GALNT2: variants seen among roughly 807,000 people sequenced by gnomAD.
The protein encoded by GALNT2 is polypeptide N-acetylgalactosaminyltransferase 2.
GALNT2 carries 31 observed loss-of-function variants against 81.4 expected under a neutral mutation model. The observed-to-expected ratio is 0.38, with a 90% CI of 0.29 to 0.51. The LOEUF is 0.51. Ranked by LOEUF, GALNT2 falls within the 20% of genes least tolerant of loss-of-function variation. GALNT2 has a pLI of 0.87. For synonymous variants in GALNT2, 303 were observed against 287.4 expected (o/e 1.05, Z -0.55); for missense variants, 629 against 765.7 (o/e 0.82, Z 2.11).
intron 1 of GALNT2, among the ~76,000 whole-genome samples, chr1:230,122,680 C>A (rs1393553013): frequency 6.6e-6 from 1 of 151,766 alleles, no homozygotes; most frequent in East Asian, 1.9e-4. Context: ...GTGTGTTTTC[C>A]TTCAGAGCAT....
At chr1:230,064,815 C>A (rs1659132612), upstream of GALNT2, among the ~76,000 whole-genome samples, 1 of 152,216 alleles carries the variant, frequency 6.6e-6, no homozygotes, top group Admixed American at 6.5e-5. Flanking sequence ...CCCAGCCTGC[C>A]TGGCACTTTT....
intron 1 of GALNT2, among the ~76,000 whole-genome samples, chr1:230,150,756 G>A (rs1472967360): frequency 6.6e-6 from 1 of 152,224 alleles, no homozygotes. Flanking sequence ...ATGGCGGGAG[G>A]CACAGACACA....
intron 1 of GALNT2, among the ~76,000 whole-genome samples, chr1:230,083,208 G>GC (rs1659795099): frequency 6.8e-6 from 1 of 147,852 alleles, no homozygotes; most frequent in South Asian, 2.2e-4. Context: ...GGATGATGGA[G>GC]CGGGGGGGCC....
rs72647719 is a variant in GALNT2, at chr1:230,281,268, G to A, written c.*1810G>A. The A allele has an allele frequency of 8.1e-3, 1,229 of 152,582 alleles. 9 individuals are homozygous for A. Among genetic ancestry groups the A allele is most frequent in the Non-Finnish European group, 9.9e-3 (678 of 68,298 alleles). 9.5% of individuals were successfully genotyped at this position (152,582 alleles called of 1,614,324 possible). On this transcript the variant is annotated 3_prime_UTR_variant, in exon 16 of 16. Coordinates refer to ENST00000366672, the MANE Select transcript of GALNT2 (RefSeq NM_004481.5). ...GCCTGGCTGGAGGGCTGCCCTATAG[G>A]TCTTCTCTTCCCGCCTCCCCTGCCA... is the stretch of plus-strand genomic sequence containing the variant.
At chr1:230,175,222 C>T (rs906198895) in intron 1 of GALNT2, among the ~76,000 whole-genome samples, 1 of 152,206 alleles carries the variant, frequency 6.6e-6, no homozygotes, top group Non-Finnish European at 1.5e-5. Context: ...AGTGACCAGA[C>T]ATATTCTGAG....
chr1:230,119,777 C>T (rs1290072405), intron 1 of GALNT2, among the ~76,000 whole-genome samples: 2 of 152,086 alleles, frequency 1.3e-5, no homozygotes, highest in Admixed American at 6.6e-5. Context: ...GGTTTTATGG[C>T]ATTATGTGGA....
rs770850372 is a variant in GALNT2, at chr1:230,166,425, C to T, written c.127-11793C>T. Reference sequence around the variant, plus strand: ...GTTTCTCATCTCTAGCTACTTTCACCATCTTTCTAAATATCCCACGTGGGT... The same window carrying T: ...GTTTCTCATCTCTAGCTACTTTCACTATCTTTCTAAATATCCCACGTGGGT... On this transcript the variant is annotated intron_variant, in intron 1 of 15. Coordinates refer to ENST00000366672, the MANE Select transcript of GALNT2 (RefSeq NM_004481.5). Among the ~76,000 whole-genome samples, 61 of 152,330 alleles carry T rather than the reference C, an allele frequency of 4.0e-4. 1 individual carries two copies. The highest frequency in any genetic ancestry group is 3.4e-3 in the Middle Eastern group (1 of 294).
At chr1:230,103,788 C>T (rs888170846) in intron 1 of GALNT2, among the ~76,000 whole-genome samples, 7 of 151,858 alleles carry the variant, frequency 4.6e-5, no homozygotes, top group African/African-American at 1.7e-4. Context: ...CTGATTTTGG[C>T]CTCAATTCTG....
upstream of GALNT2, among the ~76,000 whole-genome samples, chr1:230,064,413 C>T (rs145823845): frequency 6.6e-6 from 1 of 152,300 alleles, no homozygotes; most frequent in East Asian, 1.9e-4. Context: ...TCTAAGATTC[C>T]TCATGAAAGG....
intron 2 of GALNT2, among the ~76,000 whole-genome samples, chr1:230,188,809 T>G (rs1017069614): frequency 6.6e-6 from 1 of 152,228 alleles, no homozygotes; most frequent in Non-Finnish European, 1.5e-5. Context: ...AAATAGAGTA[T>G]GTATATTAGT....
chr1:230,227,216 A>G (rs1196933216), intron 3 of GALNT2, among the ~76,000 whole-genome samples: 1 of 152,092 alleles, frequency 6.6e-6, no homozygotes, highest in Non-Finnish European at 1.5e-5. Context: ...ATTTTCAGCA[A>G]TAAAAAATTT....
chr1:230,086,569 GTGAGC>G (rs1395450944), intron 1 of GALNT2, among the ~76,000 whole-genome samples: 21 of 152,202 alleles, frequency 1.4e-4, no homozygotes, highest in Non-Finnish European at 2.6e-4. Context: ...CAGCTGTAAA[GTGAGC>G]AGTTTTTTTT....
intron 1 of GALNT2, among the ~76,000 whole-genome samples, chr1:230,117,555 G>A (rs775688215): frequency 2.0e-5 from 3 of 152,126 alleles, no homozygotes; most frequent in African/African-American, 4.8e-5. Context: ...TCGTGGTATC[G>A]CAGGGAATAG....
chr1:230,159,161 G>A (rs887670500), intron 1 of GALNT2, among the ~76,000 whole-genome samples: 2 of 152,060 alleles, frequency 1.3e-5, no homozygotes, highest in Non-Finnish European at 1.5e-5. Flanking sequence ...GGGAAAGGAC[G>A]CTGTACCCCT....
chr1:230,156,229 G>A (rs56361800), intron 1 of GALNT2, among the ~76,000 whole-genome samples: 345 of 141,468 alleles, frequency 2.4e-3, no homozygotes, highest in Middle Eastern at 0.015. Context: ...GAGAGAGAGA[G>A]AGAAAGAGAG....
chr1:230,085,980 C>G (rs191830544), intron 1 of GALNT2, among the ~76,000 whole-genome samples: 1 of 152,322 alleles, frequency 6.6e-6, no homozygotes, highest in Admixed American at 6.5e-5. Context: ...GTCCACAGCT[C>G]TATCAGTGCC....
intron 1 of GALNT2, among the ~76,000 whole-genome samples, chr1:230,061,834 C>A (rs2102733409): frequency 6.6e-6 from 1 of 152,268 alleles, no homozygotes; most frequent in East Asian, 1.9e-4. Context: ...TTCTTTTCTG[C>A]ATGGAGTGCT....
chr1:230,102,293 T>G (rs537213503), intron 1 of GALNT2, among the ~76,000 whole-genome samples: 1 of 152,308 alleles, frequency 6.6e-6, no homozygotes, highest in Non-Finnish European at 1.5e-5. Context: ...TGCTGAGCGC[T>G]CAGTAACCCT....
At chr1:230,109,407 C>T (rs927625449) in intron 1 of GALNT2, among the ~76,000 whole-genome samples, 1 of 152,168 alleles carries the variant, frequency 6.6e-6, no homozygotes, top group Non-Finnish European at 1.5e-5. Flanking sequence ...CAAAGGCAGC[C>T]CTGTCACACG....
Sources: gnomAD v4.1 joint callset for allele counts (sites outside exome capture counted in the v4.1 genomes callset) on GRCh38, gnomAD v4.1.1 for gene constraint, MANE v1.5 for transcripts, NCBI Gene and HGNC (gene_info 2026-07-23, HGNC 2026-07-21) for gene names.